LRRIQ1: variants seen among roughly 807,000 people sequenced by gnomAD.
LRRIQ1 encodes leucine rich repeats and IQ motif containing 1, also known as leucine-rich repeat- and IQ domain-containing protein 1.
LRRIQ1 carries 210 observed loss-of-function variants against 211.9 expected under a neutral mutation model. The observed-to-expected ratio is 0.99, with a 90% CI of 0.89 to 1.11. The LOEUF is 1.11. LRRIQ1 is among the 50% of genes most tolerant of loss of function. The pLI is 0.00. For synonymous variants in LRRIQ1, 699 were observed against 650.1 expected, an observed-to-expected ratio of 1.08 and a Z score of -1.14; for missense variants, 2,136 against 1,939.5, an observed-to-expected ratio of 1.10 and a Z score of -1.90.
At chr12:85,093,088 C>T (rs922012220) in intron 11 of LRRIQ1, among the ~76,000 whole-genome samples, 1 of 152,126 alleles carries the variant, frequency 6.6e-6, no homozygotes, top group Non-Finnish European at 1.5e-5. Context: ...GGTAACAATA[C>T]TTGTCTTTAT....
intron 11 of LRRIQ1, among the ~76,000 whole-genome samples, chr12:85,089,705 T>C: frequency 6.6e-6 from 1 of 152,202 alleles, no homozygotes; most frequent in East Asian, 1.9e-4. Flanking sequence ...TAACAACCTG[T>C]GTTCAGATGT....
chr12:85,263,988 A>G (rs1896370048), exon 2 of LRRIQ1: 1 of 152,032 alleles, frequency 6.6e-6, no homozygotes, highest in African/African-American at 2.4e-5. Flanking sequence ...CTTTTTTCAT[A>G]AAGCTAAATT....
At chr12:85,258,129 T>G (rs1288448011) in intron 1 of LRRIQ1, among the ~76,000 whole-genome samples, 1 of 149,260 alleles carries the variant, frequency 6.7e-6, no homozygotes, top group Non-Finnish European at 1.5e-5. Context: ...TTCTGAATTG[T>G]TTTTTCAAAA....
At chr12:85,234,457 A>G (rs1278750876) in intron 26 of LRRIQ1, among the ~76,000 whole-genome samples, 1 of 152,208 alleles carries the variant, frequency 6.6e-6, no homozygotes, top group Admixed American at 6.5e-5. Context: ...GAACACAAAA[A>G]CAAGGTAAAT....
At chr12:85,163,585 A>G (rs928032573) in intron 24 of LRRIQ1, among the ~76,000 whole-genome samples, 1 of 152,088 alleles carries the variant, frequency 6.6e-6, no homozygotes, top group Admixed American at 6.6e-5. Context: ...TCCACTCTGC[A>G]ATGTTGACTA....
At chr12:85,098,159 T>A (rs1278792830) in intron 11 of LRRIQ1, among the ~76,000 whole-genome samples, 196 bp from the exon 12 acceptor site, 1 of 152,158 alleles carries the variant, frequency 6.6e-6, no homozygotes, top group Non-Finnish European at 1.5e-5. Flanking sequence ...TTCAAAAATA[T>A]GTCACCCAGA....
At chr12:85,207,197 C>T (rs751926812) in intron 24 of LRRIQ1, among the ~76,000 whole-genome samples, 9 of 152,060 alleles carry the variant, frequency 5.9e-5, no homozygotes, top group Non-Finnish European at 1.3e-4. Flanking sequence ...ACACAGTAGC[C>T]TTGTGCAGAG....
Position 85,102,951 on chromosome 12 carries a change from A to ATATATATATATATATATAT in LRRIQ1, c.3210-1053_3210-1052insTATATATATATATATATAT, listed in dbSNP as rs1565834052. The stretch of plus-strand genomic sequence containing the variant: ...AGGCTTTTCTAATTGTGGCAAAAAA[A>ATATATATATATATATATAT]AAAAAAAAATATATATATATATATA... On this transcript the variant is annotated intron_variant, in intron 13 of 26. Transcript: ENST00000393217. Among the ~76,000 whole-genome samples, 41 of 116,782 alleles carry ATATATATATATATATATAT rather than the reference A, an allele frequency of 3.5e-4. 1 individual carries two copies. The East Asian group carries it at 4.2e-3, about 12-fold the overall frequency. 76.6% of individuals were successfully genotyped at this position (116,782 alleles called of 152,430 possible). A position where few individuals can be genotyped will look rare whatever the true frequency, so the allele number is the denominator to read the frequency against.
At chr12:85,090,415 A>G (rs1885265593) in intron 11 of LRRIQ1, among the ~76,000 whole-genome samples, 1 of 152,182 alleles carries the variant, frequency 6.6e-6, no homozygotes, top group African/African-American at 2.4e-5. Flanking sequence ...CTTGCATCCA[A>G]AAAAGCTACA....
chr12:85,110,381 A>G (rs1887087735), intron 15 of LRRIQ1, among the ~76,000 whole-genome samples: 1 of 152,138 alleles, frequency 6.6e-6, no homozygotes. Flanking sequence ...TTTAATCTAT[A>G]CAATATGCCT....
intron 11 of LRRIQ1, among the ~76,000 whole-genome samples, chr12:85,075,644 C>T (rs1182625882): frequency 6.6e-6 from 1 of 152,046 alleles, no homozygotes; most frequent in Non-Finnish European, 1.5e-5. Context: ...AAACACCTCC[C>T]AGCAGGCCCC....
chr12:85,242,439 G>T (rs1329146166), intron 26 of LRRIQ1, among the ~76,000 whole-genome samples: 1 of 151,844 alleles, frequency 6.6e-6, no homozygotes, highest in Non-Finnish European at 1.5e-5. Flanking sequence ...ATTTAAAATA[G>T]AAGGGAGAAT....
At chr12:85,144,059 T>A (rs1188115514) in intron 19 of LRRIQ1, among the ~76,000 whole-genome samples, 4 of 151,526 alleles carry the variant, frequency 2.6e-5, no homozygotes, top group Admixed American at 6.6e-5. Flanking sequence ...GATCCTCACC[T>A]CCTCCTGTCC....
At chr12:85,209,350 C>A (rs1335337129) in intron 24 of LRRIQ1, among the ~76,000 whole-genome samples, 1 of 151,934 alleles carries the variant, frequency 6.6e-6, no homozygotes, top group East Asian at 1.9e-4. Context: ...GGGGAAAAGC[C>A]CCTTATAAAA....
chr12:85,119,481 A>T (rs1375598612), intron 15 of LRRIQ1, among the ~76,000 whole-genome samples: 1 of 152,114 alleles, frequency 6.6e-6, no homozygotes, highest in African/African-American at 2.4e-5. Flanking sequence ...CTGTTTACAG[A>T]TTTTTGTGTG....
intron 24 of LRRIQ1, among the ~76,000 whole-genome samples, chr12:85,188,021 T>C (rs990522479): frequency 6.6e-6 from 1 of 151,974 alleles, no homozygotes; most frequent in African/African-American, 2.4e-5. Context: ...CACACAGAAG[T>C]ATACATTTAA....
chr12:85,199,137 T>C (rs1400177949), intron 24 of LRRIQ1, among the ~76,000 whole-genome samples: 2 of 152,188 alleles, frequency 1.3e-5, no homozygotes, highest in Non-Finnish European at 2.9e-5. Flanking sequence ...TTATTAAGTA[T>C]TTGTTTTTGT....
chr12:85,163,069 C>A (rs1890978769), intron 24 of LRRIQ1, among the ~76,000 whole-genome samples: 1 of 152,246 alleles, frequency 6.6e-6, no homozygotes, highest in South Asian at 2.1e-4. Flanking sequence ...TGGAATTATT[C>A]ACTTCACAGA....
intron 16 of LRRIQ1, among the ~76,000 whole-genome samples, chr12:85,123,361 G>T (rs1345205138): frequency 6.6e-6 from 1 of 151,802 alleles, no homozygotes; most frequent in Admixed American, 6.6e-5. Flanking sequence ...TTAGAAATAA[G>T]CAAAAATTTT....
Sources: allele counts gnomAD v4.1 joint callset (sites outside exome capture counted in the v4.1 genomes callset), GRCh38; gene constraint gnomAD v4.1.1; transcripts MANE v1.5; gene names NCBI Gene and HGNC (gene_info 2026-07-23, HGNC 2026-07-21).